The following TASP1 variants were observed in gnomAD, a reference collection of about 807,000 sequenced individuals.
The protein encoded by TASP1 is taspase 1.
Under a neutral mutation model 56.6 loss-of-function variants are expected in TASP1, and 16 were observed. The ratio of observed to expected loss-of-function variants is 0.28; its 90% CI spans 0.19 to 0.43. The LOEUF is 0.43. TASP1 is among the 20% of genes least tolerant of loss of function. The pLI is 1.00. For missense variants in TASP1, 393 were observed against 511.6 expected, an observed-to-expected ratio of 0.77 and a Z score of 2.24; for synonymous variants, 179 against 184.2, an observed-to-expected ratio of 0.97 and a Z score of 0.23.
chr20:13,627,481 G>A (rs913059545), intron 2 of TASP1, among the ~76,000 whole-genome samples: 6 of 152,144 alleles, frequency 3.9e-5, no homozygotes, highest in Non-Finnish European at 8.8e-5. Flanking sequence ...GCTGGGCACG[G>A]TGGCTCATGC....
At chr20:13,466,807 C>T (rs1347368772) in intron 11 of TASP1, among the ~76,000 whole-genome samples, 1 of 152,104 alleles carries the variant, frequency 6.6e-6, no homozygotes, top group Non-Finnish European at 1.5e-5. Context: ...ATCAGGACAT[C>T]ATACTACTAA....
the TASP1 span, among the ~76,000 whole-genome samples, chr20:13,216,629 C>T: frequency 2.6e-4 from 39 of 152,262 alleles, no homozygotes; most frequent in African/African-American, 8.9e-4. Context: ...CAGAACATTG[C>T]CCCCTAGTTA....
At chr20:13,576,927 A>C (rs1379034818) in intron 6 of TASP1, among the ~76,000 whole-genome samples, 2 of 152,206 alleles carry the variant, frequency 1.3e-5, no homozygotes, top group Non-Finnish European at 2.9e-5. Flanking sequence ...CAATTGCCTC[A>C]TCTTACTCCC....
chr20:13,121,879 T>C, the TASP1 span, among the ~76,000 whole-genome samples: 1 of 152,212 alleles, frequency 6.6e-6, no homozygotes, highest in Admixed American at 6.5e-5. Context: ...GCTGCACCGA[T>C]GAGGTATTTA....
chr20:13,129,923 T>C, the TASP1 span, among the ~76,000 whole-genome samples: 4,051 of 152,220 alleles, frequency 0.027, 70 homozygotes, highest in African/African-American at 0.032. Context: ...ACTTTACTCC[T>C]CTTGTCATCT....
chr20:13,108,468 A>G, the TASP1 span, among the ~76,000 whole-genome samples: 6 of 152,244 alleles, frequency 3.9e-5, no homozygotes, highest in Non-Finnish European at 5.9e-5. Context: ...CAAGAACTGC[A>G]GCTAATTTGA....
chr20:13,434,175 G>C (rs2042924643), intron 12 of TASP1, among the ~76,000 whole-genome samples: 2 of 152,088 alleles, frequency 1.3e-5, no homozygotes, highest in Non-Finnish European at 2.9e-5. Context: ...CTGGTTATAG[G>C]GGGTGGGTTC....
At chr20:13,469,701 T>C (rs1252512374) in intron 11 of TASP1, among the ~76,000 whole-genome samples, 87 of 150,444 alleles carry the variant, frequency 5.8e-4, no homozygotes, top group Non-Finnish European at 3.0e-4. Context: ...AATCAACATG[T>C]ACTGAAAAAA....
At chr20:13,546,621 G>A (rs1013128375) in intron 8 of TASP1, among the ~76,000 whole-genome samples, 1 of 152,108 alleles carries the variant, frequency 6.6e-6, no homozygotes, top group African/African-American at 2.4e-5. Flanking sequence ...TTTTCTTGGC[G>A]GTGTGGGGAA....
At chr20:13,330,810 T>C in the TASP1 span, among the ~76,000 whole-genome samples, 3 of 152,176 alleles carry the variant, frequency 2.0e-5, no homozygotes, top group Admixed American at 2.0e-4. Context: ...GAGGTGTTCA[T>C]AGTATTTCTT....
chr20:13,297,001 T>C, the TASP1 span, among the ~76,000 whole-genome samples: 1 of 151,780 alleles, frequency 6.6e-6, no homozygotes, highest in Non-Finnish European at 1.5e-5. Flanking sequence ...CTGGGTGACA[T>C]AGTGAGACTC....
At chr20:13,560,622 G>A (rs1568583229) in intron 7 of TASP1, among the ~76,000 whole-genome samples, 1 of 151,998 alleles carries the variant, frequency 6.6e-6, no homozygotes, top group East Asian at 1.9e-4. Flanking sequence ...AAGGTGGGGG[G>A]AAAAAACAGG....
At position 13,489,941 on chromosome 20, in the gene TASP1, G is replaced by A. The variant is rs569613309; in HGVS notation, c.875-6604C>T. On this transcript the variant is annotated intron_variant, in intron 10 of 13. Transcript: ENST00000337743. ...TCATTCATCTGTCAATGAATATATG[G>A]GACCAAATGCATTCTTAAACTATAT... is the stretch of plus-strand genomic sequence containing the variant. Among the ~76,000 whole-genome samples the A allele has an allele frequency of 9.9e-5, 15 of 152,188 alleles. No homozygotes were observed. In the South Asian group the frequency reaches 3.1e-3, roughly 32 times the overall value.
chr20:13,369,887 T>C, the TASP1 span, among the ~76,000 whole-genome samples: 1 of 152,202 alleles, frequency 6.6e-6, no homozygotes, highest in Non-Finnish European at 1.5e-5. Flanking sequence ...ATTCTCTCCA[T>C]TAAGTGTAGC....
At chr20:13,430,327 C>T (rs1276529559) in intron 12 of TASP1, among the ~76,000 whole-genome samples, 3 of 152,214 alleles carry the variant, frequency 2.0e-5, no homozygotes, top group Non-Finnish European at 2.9e-5. Flanking sequence ...AGAAATTCCA[C>T]GGTGGCTTCA....
the TASP1 span, among the ~76,000 whole-genome samples, chr20:13,109,349 G>T: frequency 3.3e-5 from 5 of 152,218 alleles, no homozygotes; most frequent in Non-Finnish European, 7.3e-5. Context: ...GTGGATTACA[G>T]TACAGACTAC....
intron 10 of TASP1, among the ~76,000 whole-genome samples, chr20:13,519,700 G>C (rs1441268120): frequency 6.6e-6 from 1 of 152,128 alleles, no homozygotes; most frequent in Non-Finnish European, 1.5e-5. Flanking sequence ...CATTCCCTTT[G>C]AAAATTGGCA....
At chr20:13,379,858 C>T in the TASP1 span, among the ~76,000 whole-genome samples, 4 of 152,172 alleles carry the variant, frequency 2.6e-5, no homozygotes, top group South Asian at 4.2e-4. Context: ...TCCATTTGAT[C>T]GATTTGGCTG....
At chr20:13,165,481 G>A in the TASP1 span, 2 of 152,226 alleles carry the variant, frequency 1.3e-5, no homozygotes, top group Admixed American at 1.3e-4. Context: ...TGCGACTAGA[G>A]ACGTCTTTGA....
Sources: gnomAD v4.1 joint callset for allele counts (sites outside exome capture counted in the v4.1 genomes callset) on GRCh38, gnomAD v4.1.1 for gene constraint, MANE v1.5 for transcripts, NCBI Gene and HGNC (gene_info 2026-07-23, HGNC 2026-07-21) for gene names.